The following AGMO variants were observed in gnomAD, a reference collection of about 807,000 sequenced individuals.
The protein encoded by AGMO is glyceryl-ether monooxygenase.
Under a neutral mutation model 60.2 loss-of-function variants are expected in AGMO, and 75 were observed. The observed-to-expected ratio is 1.25, with a 90% CI of 1.03 to 1.51. The LOEUF is 1.51. Among genes scored for constraint, AGMO ranks in the 40% most tolerant of loss-of-function variants. AGMO has a pLI of 0.00. For missense variants in AGMO, 763 were observed against 525.5 expected (o/e 1.45, Z -4.42); for synonymous variants, 261 against 177.1 (o/e 1.47, Z -3.76).
chr7:15,488,009 A>C (rs1213950833), intron 3 of AGMO, among the ~76,000 whole-genome samples: 2 of 152,186 alleles, frequency 1.3e-5, no homozygotes, highest in Non-Finnish European at 2.9e-5. Flanking sequence ...AACAATATGC[A>C]TAAAATTTTC....
At chr7:15,316,081 G>A (rs990251115) in intron 12 of AGMO, among the ~76,000 whole-genome samples, 1 of 152,110 alleles carries the variant, frequency 6.6e-6, no homozygotes, top group African/African-American at 2.4e-5. Flanking sequence ...ACTACATAAA[G>A]GATAGCAAAG....
rs189196953 is a variant in AGMO at position 15,467,553 on chromosome 7, T to G, written c.410-36445A>C. 4.1e-3 allele frequency among the ~76,000 whole-genome samples: 624 copies of G among 152,272 alleles called. 4 individuals are homozygous for G. The highest frequency in any genetic ancestry group is 0.014 in the African/African-American group (590 of 41,554). On this transcript the variant is annotated intron_variant, in intron 3 of 12. Transcript: ENST00000342526. ...TAAATACACACAAAAGGACTAAAAC[T>G]CCACAAAGGTGCATGGGAATTTAAT...
chr7:15,264,606 A>C (rs1021890433), intron 12 of AGMO, among the ~76,000 whole-genome samples: 1 of 152,126 alleles, frequency 6.6e-6, no homozygotes, highest in African/African-American at 2.4e-5. Context: ...AAATCCAATT[A>C]AAAAATGGGC....
At chr7:15,539,025 A>G (rs1784549866) in intron 3 of AGMO, among the ~76,000 whole-genome samples, 1 of 152,238 alleles carries the variant, frequency 6.6e-6, no homozygotes, top group African/African-American at 2.4e-5. Context: ...TGCTTTCAGG[A>G]CTAAACAAAA....
chr7:15,526,850 T>G (rs1357522213), intron 3 of AGMO, among the ~76,000 whole-genome samples: 1 of 152,210 alleles, frequency 6.6e-6, no homozygotes, highest in Non-Finnish European at 1.5e-5. Context: ...ACACTGGTAA[T>G]TCACACAATA....
chr7:15,553,478 C>G (rs1785034018), intron 2 of AGMO, among the ~76,000 whole-genome samples: 1 of 151,946 alleles, frequency 6.6e-6, no homozygotes. Flanking sequence ...GGCAGTCATT[C>G]AATGAATTCA....
intron 5 of AGMO, among the ~76,000 whole-genome samples, chr7:15,418,122 C>A (rs930313318): frequency 3.3e-5 from 5 of 151,846 alleles, no homozygotes; most frequent in Non-Finnish European, 7.4e-5. Flanking sequence ...GTTTTCCAAT[C>A]AAAAATTATT....
intron 3 of AGMO, among the ~76,000 whole-genome samples, chr7:15,432,379 T>TATATGTGTATATATATATATATAC (rs373845365): frequency 7.3e-6 from 1 of 136,198 alleles, no homozygotes; most frequent in African/African-American, 2.8e-5. Flanking sequence ...CATATATATA[T>TATATGTGTATATATATATATATAC]ACACTATCTG....
intron 12 of AGMO, among the ~76,000 whole-genome samples, chr7:15,313,807 A>G (rs1780835919): frequency 6.6e-6 from 1 of 151,924 alleles, no homozygotes; most frequent in Non-Finnish European, 1.5e-5. Flanking sequence ...TATTAATAAC[A>G]ATAACTAATA....
downstream of AGMO, among the ~76,000 whole-genome samples, chr7:15,199,087 C>G (rs569691348): frequency 2.6e-5 from 4 of 152,204 alleles, no homozygotes; most frequent in Admixed American, 2.0e-4. Flanking sequence ...AGCCTGTGCC[C>G]AGGAATAAAC....
chr7:15,544,103 A>T (rs1034239170), intron 3 of AGMO, among the ~76,000 whole-genome samples: 1 of 152,078 alleles, frequency 6.6e-6, no homozygotes, highest in Non-Finnish European at 1.5e-5. Flanking sequence ...TATTATTCTA[A>T]GTGAATTAAC....
At chr7:15,501,025 T>A (rs1404544505) in intron 3 of AGMO, among the ~76,000 whole-genome samples, 3 of 152,092 alleles carry the variant, frequency 2.0e-5, no homozygotes, top group Non-Finnish European at 4.4e-5. Flanking sequence ...TTTCTATTTT[T>A]ATCACACTAT....
intron 3 of AGMO, among the ~76,000 whole-genome samples, chr7:15,459,629 T>TGTGTGTGTGTGTGTGTGTGTGTGTGTGGG (rs1554274873): frequency 7.6e-5 from 2 of 26,190 alleles, no homozygotes; most frequent in African/African-American, 1.5e-4. Flanking sequence ...GTGTGTATGG[T>TGTGTGTGTGTGTGTGTGTGTGTGTGTGGG]TGTCAGTCAT....
chr7:15,171,394 C>T, the AGMO span, among the ~76,000 whole-genome samples: 1 of 152,174 alleles, frequency 6.6e-6, no homozygotes, highest in African/African-American at 2.4e-5. Flanking sequence ...TGACCTTGAT[C>T]ACCCACCACA....
At chr7:15,229,703 T>C (rs995890810) in intron 12 of AGMO, among the ~76,000 whole-genome samples, 9 of 136,970 alleles carry the variant, frequency 6.6e-5, no homozygotes, top group Non-Finnish European at 1.2e-4. Context: ...ACTAATTATT[T>C]ATATATATAT....
chr7:15,217,309 G>T (rs1188994930), intron 12 of AGMO, among the ~76,000 whole-genome samples: 1 of 152,038 alleles, frequency 6.6e-6, no homozygotes, highest in Non-Finnish European at 1.5e-5. Flanking sequence ...AACTGAGGAG[G>T]AGTTCATAAT....
intron 12 of AGMO, among the ~76,000 whole-genome samples, chr7:15,314,935 C>T (rs907620378): frequency 1.3e-5 from 2 of 152,098 alleles, no homozygotes; most frequent in African/African-American, 4.8e-5. Flanking sequence ...TTTGGCACAT[C>T]ATTGCTGGCT....
intron 3 of AGMO, among the ~76,000 whole-genome samples, chr7:15,516,934 A>G (rs1783823692): frequency 6.6e-6 from 1 of 152,138 alleles, no homozygotes; most frequent in South Asian, 2.1e-4. Flanking sequence ...GAGTCTCCAC[A>G]TGAAAGAACA....
chr7:15,369,613 T>A (rs1562464429), intron 10 of AGMO, among the ~76,000 whole-genome samples: 1 of 152,118 alleles, frequency 6.6e-6, no homozygotes, highest in Non-Finnish European at 1.5e-5. Flanking sequence ...TACTTCTCCA[T>A]AACTCTCTGT....
Sources: allele counts gnomAD v4.1 joint callset (sites outside exome capture counted in the v4.1 genomes callset), GRCh38; gene constraint gnomAD v4.1.1; transcripts MANE v1.5; gene names NCBI Gene and HGNC (gene_info 2026-07-23, HGNC 2026-07-21).